The following SYNPR variants were observed in gnomAD, a reference collection of about 807,000 sequenced individuals.
SYNPR encodes the protein synaptoporin.
In SYNPR, 23 loss-of-function variants were observed where a neutral mutation model predicts 32.9. The observed-to-expected ratio is 0.70, with a 90% CI of 0.50 to 0.99. The LOEUF is 0.99. Among genes scored for constraint, SYNPR ranks in the 50% least tolerant of loss-of-function variants. The pLI, the probability that SYNPR is intolerant of heterozygous loss-of-function variation, is 0.00. For synonymous variants in SYNPR, 146 were observed against 135.9 expected (o/e 1.07, Z -0.52); for missense variants, 318 against 349.3 (o/e 0.91, Z 0.71).
chr3:63,377,037 C>T (rs1018584871), intron 2 of SYNPR, among the ~76,000 whole-genome samples: 1 of 152,012 alleles, frequency 6.6e-6, no homozygotes, highest in Admixed American at 6.6e-5. Context: ...TTCAACATCC[C>T]GTTTTTCCCA....
intron 2 of SYNPR, among the ~76,000 whole-genome samples, chr3:63,364,287 G>A (rs954488016): frequency 6.6e-6 from 1 of 152,148 alleles, no homozygotes; most frequent in Non-Finnish European, 1.5e-5. Context: ...AATTTGCTCA[G>A]ATATTGGTGA....
chr3:63,287,413 C>T (rs1222606753), intron 2 of SYNPR, among the ~76,000 whole-genome samples: 1 of 152,092 alleles, frequency 6.6e-6, no homozygotes, highest in African/African-American at 2.4e-5. Context: ...GGAGGTCTTA[C>T]TAGATAAGGT....
chr3:63,616,258 A>G lies in SYNPR; in HGVS notation c.*777A>G, dbSNP rs973094916. ...TAACTGCCCAATATTTATTCTATTT[A>G]CTTAGCTAAATATTTGCATTCTTGT... On this transcript the variant is annotated 3_prime_UTR_variant, in exon 6 of 6. Transcript: ENST00000478300. The G allele has an allele frequency of 6.6e-6, 1 of 152,158 alleles. No individual in the cohort carries two copies. Among genetic ancestry groups the G allele is most frequent in the African/African-American group, 2.4e-5 (1 of 41,446 alleles). 9.4% of individuals were successfully genotyped at this position (152,158 alleles called of 1,614,324 possible).
At chr3:63,256,101 C>T (rs2086380225) in intron 2 of SYNPR, among the ~76,000 whole-genome samples, 1 of 152,118 alleles carries the variant, frequency 6.6e-6, no homozygotes, top group African/African-American at 2.4e-5. Flanking sequence ...CCCACCGCAG[C>T]TCAAGGAAGC....
intron 2 of SYNPR, among the ~76,000 whole-genome samples, chr3:63,430,393 C>T (rs935325895): frequency 6.7e-6 from 1 of 148,768 alleles, no homozygotes; most frequent in South Asian, 2.1e-4. Flanking sequence ...CACACACACA[C>T]ACAACCTTAT....
chr3:63,568,128 T>A (rs945744655), intron 4 of SYNPR, among the ~76,000 whole-genome samples: 1 of 152,124 alleles, frequency 6.6e-6, no homozygotes, highest in Non-Finnish European at 1.5e-5. Flanking sequence ...AAAAGTGAGG[T>A]TAAATGCCAT....
At chr3:63,211,092 G>A in the SYNPR span, among the ~76,000 whole-genome samples, 29,136 of 151,960 alleles carry the variant, frequency 0.19, 3,562 homozygotes, top group Admixed American at 0.3. Flanking sequence ...TTTCTGAAAT[G>A]GAGTCTCACT....
intron 4 of SYNPR, among the ~76,000 whole-genome samples, chr3:63,604,186 G>A (rs1364831283): frequency 6.6e-6 from 1 of 152,024 alleles, no homozygotes; most frequent in African/African-American, 2.4e-5. Flanking sequence ...TGGAGTCAGT[G>A]GTAATATCCC....
intron 2 of SYNPR, among the ~76,000 whole-genome samples, chr3:63,418,413 C>G (rs1262375497): frequency 2.6e-5 from 4 of 152,154 alleles, no homozygotes; most frequent in African/African-American, 9.7e-5. Context: ...CTGAGCCCTC[C>G]AAACTGTTCC....
intron 2 of SYNPR, among the ~76,000 whole-genome samples, chr3:63,265,764 T>C (rs950034484): frequency 6.6e-6 from 1 of 152,230 alleles, no homozygotes; most frequent in African/African-American, 2.4e-5. Flanking sequence ...TCACATTCCA[T>C]GTGGGCTGTG....
At chr3:63,410,983 T>C (rs2088457160) in intron 2 of SYNPR, among the ~76,000 whole-genome samples, 1 of 152,192 alleles carries the variant, frequency 6.6e-6, no homozygotes, top group African/African-American at 2.4e-5. Context: ...TCCTAGAAAT[T>C]TGGCATTAAG....
chr3:63,592,706 A>G, intron 4 of SYNPR, among the ~76,000 whole-genome samples: 1 of 152,096 alleles, frequency 6.6e-6, no homozygotes, highest in Non-Finnish European at 1.5e-5. Flanking sequence ...TAAAAAATAA[A>G]TAAATAAATA....
intron 2 of SYNPR, among the ~76,000 whole-genome samples, chr3:63,424,033 A>G (rs1699848715): frequency 6.6e-6 from 1 of 152,338 alleles, no homozygotes; most frequent in South Asian, 2.1e-4. Flanking sequence ...AATAAATGTA[A>G]TGTGGTATCT....
At chr3:63,289,974 C>CA (rs2086722533) in intron 2 of SYNPR, among the ~76,000 whole-genome samples, 1 of 151,684 alleles carries the variant, frequency 6.6e-6, no homozygotes, top group Admixed American at 6.6e-5. Context: ...ACTAAAAATA[C>CA]AAAAAATTAG....
At chr3:63,262,443 CT>C (rs1388301763) in intron 2 of SYNPR, among the ~76,000 whole-genome samples, 1 of 152,086 alleles carries the variant, frequency 6.6e-6, no homozygotes, top group Admixed American at 6.6e-5. Flanking sequence ...CTTCCTTTGT[CT>C]TTTTTCCTGG....
At chr3:63,341,301 T>G (rs1202524619) in intron 2 of SYNPR, among the ~76,000 whole-genome samples, 1 of 152,212 alleles carries the variant, frequency 6.6e-6, no homozygotes, top group Non-Finnish European at 1.5e-5. Context: ...GAAGGACATC[T>G]TGTTTGCTTC....
intron 5 of SYNPR, among the ~76,000 whole-genome samples, chr3:63,610,046 G>C (rs1293425352): frequency 6.6e-6 from 1 of 152,204 alleles, no homozygotes; most frequent in Admixed American, 6.5e-5. Context: ...CAACTGATTA[G>C]AGAAAAATAC....
the SYNPR span, among the ~76,000 whole-genome samples, chr3:63,220,545 A>G: frequency 2.0e-5 from 3 of 152,146 alleles, no homozygotes; most frequent in African/African-American, 4.8e-5. Flanking sequence ...TGAATAGCAG[A>G]AAGAAGGAGA....
At chr3:63,237,541 G>C (rs377640172) in intron 1 of SYNPR, among the ~76,000 whole-genome samples, 1 of 151,764 alleles carries the variant, frequency 6.6e-6, no homozygotes, top group East Asian at 1.9e-4. Flanking sequence ...ATCGCGGTGG[G>C]CGTTGGCATC....
Sources: allele counts gnomAD v4.1 joint callset (sites outside exome capture counted in the v4.1 genomes callset), GRCh38; gene constraint gnomAD v4.1.1; transcripts MANE v1.5; gene names NCBI Gene and HGNC (gene_info 2026-07-23, HGNC 2026-07-21).